The following PLCL1 variants were observed in gnomAD, a reference collection of about 807,000 sequenced individuals.
PLCL1 encodes inactive phospholipase C-like protein 1.
A neutral mutation model predicts 84.4 loss-of-function variants in PLCL1; 41 were observed. That is an observed-to-expected ratio of 0.49 (90% CI 0.38 to 0.63). The LOEUF is 0.63. Among genes scored for constraint, PLCL1 ranks in the 30% least tolerant of loss-of-function variants. The pLI, the probability that PLCL1 is intolerant of heterozygous loss-of-function variation, is 0.00. For synonymous variants in PLCL1, 490 were observed against 488.3 expected (o/e 1.00, Z -0.05); for missense variants, 1,206 against 1,367.8 (o/e 0.88, Z 1.87).
At chr2:198,120,728 C>T (rs1559112171) in intron 5 of PLCL1, among the ~76,000 whole-genome samples, 2 of 152,048 alleles carry the variant, frequency 1.3e-5, no homozygotes, top group Non-Finnish European at 2.9e-5. Flanking sequence ...CTGATGGACA[C>T]TTAGGTTGCT....
At chr2:198,076,835 A>T (rs1203521124) in intron 1 of PLCL1, among the ~76,000 whole-genome samples, 20 of 152,218 alleles carry the variant, frequency 1.3e-4, no homozygotes, top group Admixed American at 2.0e-4. Context: ...GGCAACAGAT[A>T]CAGTGATGAT....
At chr2:198,104,226 G>C (rs1326176517) in intron 5 of PLCL1, among the ~76,000 whole-genome samples, 1 of 151,848 alleles carries the variant, frequency 6.6e-6, no homozygotes, top group Non-Finnish European at 1.5e-5. Flanking sequence ...GGTGTCTGCT[G>C]TTCCTCTCTT....
At chr2:197,932,373 AATTTT>A (rs1343037704) in intron 1 of PLCL1, among the ~76,000 whole-genome samples, 1 of 152,114 alleles carries the variant, frequency 6.6e-6, no homozygotes, top group Non-Finnish European at 1.5e-5. Context: ...AATTTAATTT[AATTTT>A]AAGTTCTGGG....
intron 1 of PLCL1, among the ~76,000 whole-genome samples, chr2:197,876,317 A>G (rs547385234): frequency 9.2e-5 from 14 of 152,286 alleles, no homozygotes; most frequent in African/African-American, 3.4e-4. Context: ...GCTTCTTAGA[A>G]AAGAAGCATT....
chr2:198,000,739 C>CT (rs111755074), intron 1 of PLCL1, among the ~76,000 whole-genome samples: 3,640 of 145,270 alleles, frequency 0.025, 88 homozygotes, highest in African/African-American at 0.066. Flanking sequence ...CTTTATTTCC[C>CT]TTTTTTTTTT....
At chr2:198,087,035 A>G (rs1176945549) in intron 2 of PLCL1, among the ~76,000 whole-genome samples, 1 of 152,170 alleles carries the variant, frequency 6.6e-6, no homozygotes, top group African/African-American at 2.4e-5. Context: ...ATTACTCCCC[A>G]CAAGAACAAG....
At chr2:198,026,771 A>G (rs1574256415) in intron 1 of PLCL1, among the ~76,000 whole-genome samples, 1 of 152,194 alleles carries the variant, frequency 6.6e-6, no homozygotes, top group Non-Finnish European at 1.5e-5. Flanking sequence ...AAAACGCTCA[A>G]CATTACTAAT....
intron 1 of PLCL1, among the ~76,000 whole-genome samples, chr2:197,974,354 T>A (rs1236826015): frequency 2.6e-5 from 4 of 152,154 alleles, no homozygotes; most frequent in African/African-American, 7.2e-5. Flanking sequence ...AAAAGATAAG[T>A]AAAAGTTTAA....
intron 5 of PLCL1, among the ~76,000 whole-genome samples, chr2:198,132,463 G>T (rs1694142773): frequency 6.6e-6 from 1 of 151,808 alleles, no homozygotes; most frequent in Non-Finnish European, 1.5e-5. Context: ...TTTTGGGGGG[G>T]GGAGTCCACA....
At chr2:197,961,103 G>A (rs940852461) in intron 1 of PLCL1, among the ~76,000 whole-genome samples, 1 of 151,980 alleles carries the variant, frequency 6.6e-6, no homozygotes, top group Non-Finnish European at 1.5e-5. Context: ...TTAAATAGCT[G>A]CCATATTCCA....
chr2:198,101,375 T>A lies in PLCL1; in HGVS notation c.2995+15T>A. 7.2e-7 allele frequency: 1 copy of A among 1,395,062 alleles called. No individual in the cohort carries two copies. Among genetic ancestry groups the A allele is most frequent in the Non-Finnish European group, 9.9e-7 (1 of 1,012,044 alleles). The allele number at this position is 1,395,062 out of a possible 1,614,324, so 86.4% of individuals were successfully genotyped here. The stretch of plus-strand genomic sequence containing the variant: ...TCAGAAAGCAGGTAATTGTTTTTAA[T>A]TTTTTTTTCTGTTTTTTTTTTCTAT... On this transcript the variant is annotated intron_variant, in intron 4 of 5. Transcript: ENST00000428675.
chr2:198,138,619 A>C (rs1694312489), intron 5 of PLCL1, among the ~76,000 whole-genome samples: 1 of 152,156 alleles, frequency 6.6e-6, no homozygotes, highest in African/African-American at 2.4e-5. Context: ...GGTAAGTCTA[A>C]ATGAAATAAA....
intron 1 of PLCL1, among the ~76,000 whole-genome samples, chr2:197,864,116 A>G (rs1000999287): frequency 2.0e-5 from 3 of 152,292 alleles, no homozygotes; most frequent in Middle Eastern, 3.4e-3. Flanking sequence ...CAGGTAAACT[A>G]TGATAATAAT....
At chr2:197,897,168 CTTCTTCTT>C (rs1688158683) in intron 1 of PLCL1, among the ~76,000 whole-genome samples, 1 of 31,420 alleles carries the variant, frequency 3.2e-5, no homozygotes, top group Non-Finnish European at 5.7e-5. Flanking sequence ...TCTTCTTCTT[CTTCTTCTT>C]CTTCTTCTTC....
intron 3 of PLCL1, among the ~76,000 whole-genome samples, chr2:198,098,768 A>T (rs1461940122): frequency 6.6e-6 from 1 of 152,158 alleles, no homozygotes. Flanking sequence ...ATTCTGGGCA[A>T]TTAGTTAAAC....
chr2:198,045,166 T>C (rs1691756522), intron 1 of PLCL1, among the ~76,000 whole-genome samples: 1 of 152,230 alleles, frequency 6.6e-6, no homozygotes, highest in South Asian at 2.1e-4. Flanking sequence ...ATTAGAATCA[T>C]TTATTTATAT....
At chr2:198,047,397 T>C (rs1399875141) in intron 1 of PLCL1, among the ~76,000 whole-genome samples, 1 of 152,140 alleles carries the variant, frequency 6.6e-6, no homozygotes, top group African/African-American at 2.4e-5. Flanking sequence ...TTGGCTGGGA[T>C]GATCTCAATC....
intron 1 of PLCL1, among the ~76,000 whole-genome samples, chr2:197,976,757 A>C (rs983571037): frequency 6.6e-6 from 1 of 152,068 alleles, no homozygotes; most frequent in Non-Finnish European, 1.5e-5. Context: ...AAAGAACTTT[A>C]TTTCTAATTC....
At chr2:198,011,476 A>G (rs1006356168) in intron 1 of PLCL1, among the ~76,000 whole-genome samples, 2 of 151,916 alleles carry the variant, frequency 1.3e-5, no homozygotes, top group African/African-American at 2.4e-5. Context: ...TGGAGAAGGT[A>G]TTTTATATGA....
Sources: allele counts gnomAD v4.1 joint callset (sites outside exome capture counted in the v4.1 genomes callset), GRCh38; gene constraint gnomAD v4.1.1; transcripts MANE v1.5; gene names NCBI Gene and HGNC (gene_info 2026-07-23, HGNC 2026-07-21).